The following GCNT1 variants were observed in gnomAD, a reference collection of about 807,000 sequenced individuals.
GCNT1 encodes the protein beta-1,3-galactosyl-O-glycosyl-glycoprotein beta-1,6-N-acetylglucosaminyltransferase.
Under a neutral mutation model 26.2 loss-of-function variants are expected in GCNT1, and 16 were observed. The observed-to-expected ratio is 0.61, with a 90% CI of 0.41 to 0.93. GCNT1 has a LOEUF of 0.93. Ranked by LOEUF, GCNT1 falls within the 40% of genes least tolerant of loss-of-function variation. The pLI, the probability that GCNT1 is intolerant of heterozygous loss-of-function variation, is 0.00. For missense variants in GCNT1, 477 were observed against 526.7 expected (o/e 0.91, Z 0.92); for synonymous variants, 183 against 190.8 (o/e 0.96, Z 0.34).
chr9:76,478,149 C>T (rs1824300842), intron 2 of GCNT1, among the ~76,000 whole-genome samples: 2 of 152,202 alleles, frequency 1.3e-5, no homozygotes, highest in Admixed American at 6.5e-5. Flanking sequence ...AGCTGGCCAT[C>T]CCAGCGAGTA....
intron 2 of GCNT1, among the ~76,000 whole-genome samples, chr9:76,478,726 G>A (rs1266830757): frequency 2.0e-5 from 3 of 152,092 alleles, no homozygotes; most frequent in African/African-American, 7.2e-5. Flanking sequence ...TGTTTATCAC[G>A]TGCTTTTTCT....
At chr9:76,413,452 A>G in the GCNT1 span, among the ~76,000 whole-genome samples, 2 of 152,210 alleles carry the variant, frequency 1.3e-5, no homozygotes, top group Non-Finnish European at 2.9e-5. Context: ...ATTCTCCAGA[A>G]AGAGACCTTA....
chr9:76,502,549 T>C lies in GCNT1; in HGVS notation c.168T>C (p.Asp56=), dbSNP rs762342398. The C allele has an allele frequency of 1.2e-6, 2 of 1,614,108 alleles. No homozygotes were observed. Among genetic ancestry groups the C allele is most frequent in the Non-Finnish European group, 1.7e-6 (2 of 1,179,964 alleles). ...LELAGENPSS[D]INCTKVLQGD... ...TTGCTGGGGAGAATCCTAGTAGTGA[T>C]ATTAATTGCACCAAAGTTTTACAGG... Residue 56 remains aspartate (D), a synonymous_variant, in exon 4 of 4, where the codon GAT becomes GAC. Coordinates refer to ENST00000376730, the MANE Select transcript of GCNT1 (RefSeq NM_001490.5).
chr9:76,438,651 T>C (rs1436749843), upstream of GCNT1, among the ~76,000 whole-genome samples: 2 of 152,210 alleles, frequency 1.3e-5, no homozygotes, highest in Non-Finnish European at 2.9e-5. Context: ...TACAGCCATT[T>C]CATCCTTCTG....
At chr9:76,466,725 G>A (rs997507034) in intron 2 of GCNT1, among the ~76,000 whole-genome samples, 4 of 151,894 alleles carry the variant, frequency 2.6e-5, no homozygotes, top group Admixed American at 6.5e-5. Flanking sequence ...ATGGAAGGAC[G>A]GAGGGAGAGG....
chr9:76,411,738 G>A, the GCNT1 span, among the ~76,000 whole-genome samples: 2 of 116,492 alleles, frequency 1.7e-5, no homozygotes, highest in South Asian at 5.2e-4. Flanking sequence ...GTCTTGCTCT[G>A]TGGCCCAGGC....
intron 2 of GCNT1, among the ~76,000 whole-genome samples, chr9:76,486,947 A>G (rs72747361): frequency 0.082 from 12,509 of 152,156 alleles, 560 homozygotes; most frequent in Middle Eastern, 0.16. Flanking sequence ...AAACAAAACT[A>G]GATCTAAATT....
chr9:76,468,886 A>G (rs1014867046), intron 2 of GCNT1, among the ~76,000 whole-genome samples: 1 of 152,242 alleles, frequency 6.6e-6, no homozygotes, highest in African/African-American at 2.4e-5. Flanking sequence ...ACATATTGCC[A>G]AAAAATATTG....
upstream of GCNT1, among the ~76,000 whole-genome samples, chr9:76,438,519 A>G (rs992971628): frequency 2.6e-5 from 4 of 152,222 alleles, no homozygotes; most frequent in Admixed American, 6.5e-5. Context: ...ATAATGAGGC[A>G]TATGTGAGCC....
intron 1 of GCNT1, among the ~76,000 whole-genome samples, chr9:76,443,396 C>T (rs549322466): frequency 1.3e-4 from 20 of 152,164 alleles, no homozygotes; most frequent in Non-Finnish European, 2.1e-4. Context: ...ATTAAATTAA[C>T]TAAAAGTATC....
chr9:76,507,081 C>G lies in GCNT1; in HGVS notation c.*3413C>G, dbSNP rs1450020457. ...TCAGAACATTTAGCCTGCAGTTGGGCAAAACCATTTAACACAAAGCCTATT... is the reference window on the plus strand; with the variant it reads ...TCAGAACATTTAGCCTGCAGTTGGGGAAAACCATTTAACACAAAGCCTATT... On this transcript the variant is annotated 3_prime_UTR_variant, in exon 4 of 4. Coordinates refer to ENST00000376730, the MANE Select transcript of GCNT1 (RefSeq NM_001490.5). 1.8e-5 allele frequency: 3 copies of G among 166,918 alleles called. No individual in the cohort carries two copies. The highest frequency in any genetic ancestry group is 4.4e-5 in the Non-Finnish European group (3 of 68,062). 10.3% of individuals were successfully genotyped at this position (166,918 alleles called of 1,614,324 possible). A position where few individuals can be genotyped will look rare whatever the true frequency, so the allele number is the denominator to read the frequency against.
Position 76,505,391 on chromosome 9 carries a change from A to T in GCNT1, c.*1723A>T, listed in dbSNP as rs1825211444. The T allele has an allele frequency of 6.0e-6, 1 of 167,722 alleles. No homozygotes were observed. The highest frequency in any genetic ancestry group is 1.5e-5 in the Non-Finnish European group (1 of 68,620). 10.4% of individuals were successfully genotyped at this position (167,722 alleles called of 1,614,324 possible). A position where few individuals can be genotyped will look rare whatever the true frequency, so the allele number is the denominator to read the frequency against. On this transcript the variant is annotated 3_prime_UTR_variant, in exon 4 of 4. Transcript: ENST00000376730. The stretch of plus-strand genomic sequence containing the variant: ...GAGCAAGAGGAACATGCTTGTTTTG[A>T]AAACTCGAGATGATGAGGGTGGTAC...
chr9:76,458,796 T>C (rs1421484569), upstream of GCNT1, among the ~76,000 whole-genome samples: 1 of 152,368 alleles, frequency 6.6e-6, no homozygotes, highest in Non-Finnish European at 1.5e-5. Context: ...AACACCTACA[T>C]GGTTATCTCT....
At chr9:76,460,522 T>C (rs372993142) in intron 2 of GCNT1, among the ~76,000 whole-genome samples, 119 of 152,280 alleles carry the variant, frequency 7.8e-4, no homozygotes, top group African/African-American at 2.7e-3. Context: ...TAAAGATCAG[T>C]GTAAATTACC....
intron 1 of GCNT1, among the ~76,000 whole-genome samples, chr9:76,425,777 G>T: frequency 6.6e-6 from 1 of 152,244 alleles, no homozygotes; most frequent in African/African-American, 2.4e-5. Flanking sequence ...TGTCAGGGCC[G>T]GTGAGTCAAG....
At chr9:76,427,315 G>C (rs1823271273) in intron 1 of GCNT1, among the ~76,000 whole-genome samples, 1 of 151,326 alleles carries the variant, frequency 6.6e-6, no homozygotes, top group African/African-American at 2.4e-5. Flanking sequence ...TCCTACCTCA[G>C]TCACTACAGC....
upstream of GCNT1, among the ~76,000 whole-genome samples, chr9:76,458,428 C>T (rs1823796746): frequency 6.6e-6 from 1 of 151,948 alleles, no homozygotes; most frequent in Admixed American, 6.6e-5. Flanking sequence ...GTGATCCGCC[C>T]GCCTCGGCCT....
intron 2 of GCNT1, among the ~76,000 whole-genome samples, chr9:76,481,542 A>G (rs1487057277): frequency 1.3e-5 from 2 of 152,026 alleles, no homozygotes; most frequent in African/African-American, 4.8e-5. Context: ...GCTTTAGAAC[A>G]TTGATTTGTA....
intron 2 of GCNT1, among the ~76,000 whole-genome samples, chr9:76,464,155 A>T (rs11144916): frequency 0.01 from 1,551 of 152,066 alleles, 24 homozygotes; most frequent in African/African-American, 0.035. Context: ...CAAGAGTAAA[A>T]TATGTCTTGG....
Sources: gnomAD v4.1 joint callset for allele counts (sites outside exome capture counted in the v4.1 genomes callset) on GRCh38, gnomAD v4.1.1 for gene constraint, MANE v1.5 for transcripts, NCBI Gene and HGNC (gene_info 2026-07-23, HGNC 2026-07-21) for gene names.